The following MAP4K2 variants were observed in gnomAD, a reference collection of about 807,000 sequenced individuals.
MAP4K2 encodes the protein B lymphocyte serine/threonine protein kinase.
Under a neutral mutation model 125.3 loss-of-function variants are expected in MAP4K2, and 85 were observed. That is an observed-to-expected ratio of 0.68 (90% CI 0.57 to 0.81). The LOEUF is 0.81. MAP4K2 is among the 40% of genes least tolerant of loss of function. MAP4K2 has a pLI of 0.00. For synonymous variants in MAP4K2, 479 were observed against 445.1 expected (o/e 1.08, Z -0.96); for missense variants, 923 against 1,056.4 (o/e 0.87, Z 1.75).
intron 17 of MAP4K2, 40 bp from the exon 18 acceptor site, chr11:64,797,420 T>G: frequency 6.4e-7 from 1 of 1,558,748 alleles, no homozygotes. Context: ...CGTTACCAGG[T>G]TGCCCTGTAA....
Position 64,785,040 on chromosome 11 carries a change from A to G in MAP4K2, c.*4497T>C, listed in dbSNP as rs1233641097. On this transcript the variant is annotated 3_prime_UTR_variant, in exon 32 of 32. Coordinates refer to ENST00000294066, the MANE Select transcript of MAP4K2 (RefSeq NM_004579.5). Reference sequence around the variant, plus strand: ...ACAATGGAATACTACTTGGCAATAAAAAGGAATAAAATATTAATGCATGCA... The same window carrying G: ...ACAATGGAATACTACTTGGCAATAAGAAGGAATAAAATATTAATGCATGCA... The G allele has an allele frequency of 6.6e-6, 1 of 152,244 alleles. No homozygotes were observed. The highest frequency in any genetic ancestry group is 2.4e-5 in the African/African-American group (1 of 41,458). The allele number at this position is 152,244 out of a possible 1,614,324, so 9.4% of individuals were successfully genotyped here.
chr11:64,789,312 G>A lies in MAP4K2; in HGVS notation c.*225C>T, dbSNP rs900720047. ...GGCACTAGGGACTGGGCTGCCTCGG[G>A]GATGGGGGAGTGACAGCAGCTCCCC... is the stretch of plus-strand genomic sequence containing the variant. On this transcript the variant is annotated 3_prime_UTR_variant, in exon 32 of 32. Transcript: ENST00000294066. 3.5e-6 allele frequency: 2 copies of A among 569,528 alleles called. No individual in the cohort carries two copies. The highest frequency in any genetic ancestry group is 3.1e-5 in the Admixed American group (1 of 32,686). 35.3% of individuals were successfully genotyped at this position (569,528 alleles called of 1,614,324 possible).
chr11:64,801,992 C>T, intron 5 of MAP4K2, 74 bp downstream of exon 5: 1 of 1,486,956 alleles, frequency 6.7e-7, no homozygotes, highest in South Asian at 1.2e-5. Flanking sequence ...CACCCGCCTC[C>T]CTGCTGGTCA....
chr11:64,801,860 C>T (rs1941197487), intron 5 of MAP4K2, 103 bp from the exon 6 acceptor site: 2 of 1,275,952 alleles, frequency 1.6e-6, no homozygotes, highest in Admixed American at 1.8e-5. Context: ...GCTTCTTCCT[C>T]CCCTCTCCCC....
chr11:64,792,296 G>A (rs1199647053), intron 25 of MAP4K2, 21 bp from the exon 26 acceptor site: 2 of 1,599,970 alleles, frequency 1.3e-6, no homozygotes, highest in Non-Finnish European at 8.5e-7. Flanking sequence ...AGCAGGCAGT[G>A]GGCACCGGGC....
At position 64,792,407 on chromosome 11, in the gene MAP4K2, G is replaced by A. The variant is rs922806166; in HGVS notation, c.1767C>T (p.Ser589=). The part of the protein sequence containing the change: ...QRIIPRRFAL[S]TKIPDTKGCL... The stretch of plus-strand genomic sequence containing the variant: ...AGCCTTTGGTGTCAGGAATCTTGGT[G>A]GACAGAGCAAAGCGCCTGTAGGGGT... Residue 589 remains serine, a synonymous_variant, in exon 25 of 32, where the codon TCC becomes TCT. Coordinates refer to ENST00000294066, the MANE Select transcript of MAP4K2 (RefSeq NM_004579.5). 4 of 1,592,006 alleles carry A rather than the reference G, an allele frequency of 2.5e-6. No individual in the cohort carries two copies. The highest frequency in any genetic ancestry group is 2.7e-5 in the African/African-American group (2 of 74,230).
Position 64,790,475 on chromosome 11 carries a change from A to G in MAP4K2, c.2093-13T>C, listed in dbSNP as rs1565608513. On this transcript the variant is annotated splice_polypyrimidine_tract_variant and intron_variant, in intron 27 of 31. Coordinates refer to ENST00000294066, the MANE Select transcript of MAP4K2 (RefSeq NM_004579.5). ...CCTGGGATCCCCTCTGCAGGCAGAG[A>G]AGAGAGACATGGCCTGGCTGAGCCA... 1 of 1,613,252 alleles carries G rather than the reference A, an allele frequency of 6.2e-7. No individual in the cohort carries two copies. Among genetic ancestry groups the G allele is most frequent in the South Asian group, 1.1e-5 (1 of 91,074 alleles).
At position 64,790,009 on chromosome 11, in the gene MAP4K2, C is replaced by T. The variant is rs1940379148; in HGVS notation, c.2249-50G>A. The T allele has an allele frequency of 7.5e-6, 12 of 1,602,646 alleles. No homozygotes were observed. The East Asian group carries it at 2.7e-4, about 36-fold the overall frequency. On this transcript the variant is annotated intron_variant, in intron 29 of 31. Transcript: ENST00000294066. ...CCCTGCACCCATCTTGGCACCCCCTCAGCCACGCCTGAGCCTGGGTCTGGG... is the reference window on the plus strand; with the variant it reads ...CCCTGCACCCATCTTGGCACCCCCTTAGCCACGCCTGAGCCTGGGTCTGGG...
At chr11:64,796,213 A>C (rs543001168) in intron 24 of MAP4K2, 60 bp downstream of exon 24, 2 of 1,428,164 alleles carry the variant, frequency 1.4e-6, no homozygotes, top group East Asian at 4.6e-5. Context: ...TGGCAAGGCC[A>C]TGTTCCAGCC....
intron 29 of MAP4K2, 30 bp from the exon 30 acceptor site, chr11:64,789,989 C>A (rs568199989): frequency 1.2e-6 from 2 of 1,610,784 alleles, no homozygotes; most frequent in African/African-American, 2.7e-5. Flanking sequence ...ATCAGCCCTG[C>A]ACCCATCTTG....
At chr11:64,792,498 G>A (rs888838583) in intron 24 of MAP4K2, 76 bp from the exon 25 acceptor site, 4 of 1,232,442 alleles carry the variant, frequency 3.2e-6, no homozygotes, top group East Asian at 5.1e-5. Flanking sequence ...CTATGAGGTG[G>A]GCACTATCAG....
At chr11:64,795,717 TAG>T (rs1422674329) in intron 24 of MAP4K2, among the ~76,000 whole-genome samples, 1 of 152,190 alleles carries the variant, frequency 6.6e-6, no homozygotes, top group Non-Finnish European at 1.5e-5. Flanking sequence ...TGATTTTTTG[TAG>T]AGACAAGGTC....
rs1386852843 is a variant in MAP4K2, at chr11:64,788,867, G to T, written c.*670C>A. 6.6e-6 allele frequency: 1 copy of T among 152,522 alleles called. No homozygotes were observed. 9.4% of individuals were successfully genotyped at this position (152,522 alleles called of 1,614,324 possible). ...CCTGGATGAGAGTCCCTTTGTTGAGGTCCCCCCATCTGCATGAGTCCTTGG... is the reference window on the plus strand; with the variant it reads ...CCTGGATGAGAGTCCCTTTGTTGAGTTCCCCCCATCTGCATGAGTCCTTGG... On this transcript the variant is annotated 3_prime_UTR_variant, in exon 32 of 32. Coordinates refer to ENST00000294066, the MANE Select transcript of MAP4K2 (RefSeq NM_004579.5).
chr11:64,796,765 T>C, intron 21 of MAP4K2, 44 bp downstream of exon 21: 2 of 1,613,368 alleles, frequency 1.2e-6, no homozygotes, highest in Non-Finnish European at 1.7e-6. Context: ...TGGCCCAAGC[T>C]GAGGGATTCC....
rs35199527 is a variant in MAP4K2 at position 64,797,703 on chromosome 11, CTTTTTTTTTT to C, written c.1098-49_1098-40del. 306 of 1,094,414 alleles carry C rather than the reference CTTTTTTTTTT, an allele frequency of 2.8e-4. 1 individual carries two copies. The highest frequency in any genetic ancestry group is 2.0e-3 in the Admixed American group (49 of 25,006). 67.8% of individuals were successfully genotyped at this position (1,094,414 alleles called of 1,614,324 possible). A position where few individuals can be genotyped will look rare whatever the true frequency, so the allele number is the denominator to read the frequency against. ...AAAAGGGGTCAGAGGTCAACCTTTC[CTTTTTTTTTT>C]TTTTTTTTTTGAGACGGAGTCTCGC... On this transcript the variant is annotated intron_variant, in intron 15 of 31. Coordinates refer to ENST00000294066, the MANE Select transcript of MAP4K2 (RefSeq NM_004579.5).
At position 64,789,101 on chromosome 11, in the gene MAP4K2, TG is replaced by T. The variant is rs1940323094; in HGVS notation, c.*435del. ...GGAGGGAAGGAGGCGGGAGATGAGG[TG>T]GGTTCACTCCCCCTACCCAGAGGGA... is the stretch of plus-strand genomic sequence containing the variant. On this transcript the variant is annotated 3_prime_UTR_variant, in exon 32 of 32. Transcript: ENST00000294066. 1 of 175,626 alleles carries T rather than the reference TG, an allele frequency of 5.7e-6. No individual in the cohort carries two copies. Among genetic ancestry groups the T allele is most frequent in the South Asian group, 1.3e-4 (1 of 7,772 alleles). 10.9% of individuals were successfully genotyped at this position (175,626 alleles called of 1,614,324 possible). A position where few individuals can be genotyped will look rare whatever the true frequency, so the allele number is the denominator to read the frequency against.
intron 15 of MAP4K2, 53 bp downstream of exon 15, chr11:64,798,741 C>T: frequency 1.2e-6 from 2 of 1,605,270 alleles, no homozygotes; most frequent in Non-Finnish European, 1.7e-6. Context: ...GGTCAGAGGT[C>T]AGCCTTTCTG....
chr11:64,795,945 G>T (rs1441890223), intron 24 of MAP4K2, among the ~76,000 whole-genome samples: 1 of 152,050 alleles, frequency 6.6e-6, no homozygotes, highest in Non-Finnish European at 1.5e-5. Flanking sequence ...GAGGACTCAT[G>T]GGATTCTCCA....
intron 12 of MAP4K2, 67 bp from the exon 13 acceptor site, chr11:64,799,750 C>A: frequency 7.6e-7 from 1 of 1,309,316 alleles, no homozygotes; most frequent in Non-Finnish European, 1.1e-6. Context: ...GCTCTAGGAG[C>A]TTCACACGCA....
Sources: gnomAD v4.1 joint callset for allele counts (sites outside exome capture counted in the v4.1 genomes callset) on GRCh38, gnomAD v4.1.1 for gene constraint, MANE v1.5 for transcripts, NCBI Gene and HGNC (gene_info 2026-07-23, HGNC 2026-07-21) for gene names.